EDAR: variants seen among roughly 807,000 people sequenced by gnomAD.
EDAR encodes tumor necrosis factor receptor superfamily member EDAR.
In EDAR, 38 loss-of-function variants were observed where a neutral mutation model predicts 51.3. The ratio of observed to expected loss-of-function variants is 0.74; its 90% confidence interval spans 0.57 to 0.97. The LOEUF (loss-of-function observed/expected upper bound fraction) is 0.97, where lower values mean the gene tolerates loss of function less well. EDAR is among the 50% of genes least tolerant of loss of function. EDAR has a pLI of 0.00. For synonymous variants in EDAR, 227 were observed against 242.1 expected (o/e 0.94, Z 0.58); for missense variants, 528 against 595.0 (o/e 0.89, Z 1.17).
intron 10 of EDAR, among the ~76,000 whole-genome samples, 170 bp from the exon 11 acceptor site, chr2:108,906,538 T>G (rs1409469090): frequency 6.6e-6 from 1 of 152,168 alleles, no homozygotes; most frequent in Non-Finnish European, 1.5e-5. Flanking sequence ...AGGGCCTTCT[T>G]CAGGTTTTCC....
intron 1 of EDAR, among the ~76,000 whole-genome samples, chr2:108,938,316 G>T (rs563179791): frequency 6.6e-6 from 1 of 152,302 alleles, no homozygotes; most frequent in East Asian, 1.9e-4. Flanking sequence ...CATGGTTATT[G>T]CTGCTTGTCA....
intron 4 of EDAR, among the ~76,000 whole-genome samples, chr2:108,925,968 C>A (rs995120040): frequency 6.6e-6 from 1 of 152,156 alleles, no homozygotes; most frequent in African/African-American, 2.4e-5. Context: ...ATGAAACTGT[C>A]CTTCCTCACC....
chr2:108,911,066 G>A lies in EDAR; in HGVS notation c.536C>T (p.Ser179Leu). Residue 179 changes from serine to leucine, a missense_variant, in exon 7 of 12, where the codon TCA becomes TTA. By Grantham distance (145) the Ser-to-Leu change is moderately radical. Transcript: ENST00000258443. ...GGCAGTGGCCAGGTGTCCTTGGCCT[G>A]AGAGTTCTGTGGGTGGAGAGAAGGC... ...SPFQHAHKELSGQGHLATALI... is the reference protein window; with the variant it reads ...SPFQHAHKELLGQGHLATALI... 6.2e-7 allele frequency: 1 copy of A among 1,614,170 alleles called. No homozygotes were observed. Among genetic ancestry groups the A allele is most frequent in the Non-Finnish European group, 8.5e-7 (1 of 1,180,024 alleles).
intron 1 of EDAR, among the ~76,000 whole-genome samples, chr2:108,932,814 C>G (rs1279418622): frequency 2.0e-5 from 3 of 152,176 alleles, no homozygotes; most frequent in Non-Finnish European, 4.4e-5. Flanking sequence ...CAAACCATAG[C>G]AGCATGGAAA....
intron 1 of EDAR, among the ~76,000 whole-genome samples, chr2:108,942,001 G>A (rs958894018): frequency 6.6e-6 from 1 of 152,216 alleles, no homozygotes; most frequent in African/African-American, 2.4e-5. Flanking sequence ...CCTTTCAGGT[G>A]CCCCTTGTGT....
chr2:108,910,618 G>T, intron 8 of EDAR, 86 bp from the exon 9 acceptor site: 2 of 1,421,314 alleles, frequency 1.4e-6, no homozygotes, highest in Non-Finnish European at 2.0e-6. Context: ...CTTCCTGTTG[G>T]GCAGAGCTGC....
chr2:108,944,640 G>C (rs938486111), intron 1 of EDAR, among the ~76,000 whole-genome samples: 6 of 152,126 alleles, frequency 3.9e-5, no homozygotes, highest in African/African-American at 1.4e-4. Context: ...GTGCCAGGGT[G>C]GGGGATAGGG....
At chr2:108,980,035 G>C (rs1285289254) in intron 1 of EDAR, among the ~76,000 whole-genome samples, 1 of 138,476 alleles carries the variant, frequency 7.2e-6, no homozygotes, top group Non-Finnish European at 1.5e-5. Context: ...TGCTGTATCA[G>C]TGACCATGGA....
chr2:108,972,076 C>T (rs770088121), intron 1 of EDAR, among the ~76,000 whole-genome samples: 4 of 152,256 alleles, frequency 2.6e-5, no homozygotes, highest in Non-Finnish European at 5.9e-5. Context: ...CAGCCGACTG[C>T]AGCCTCAGGA....
intron 1 of EDAR, among the ~76,000 whole-genome samples, chr2:108,980,205 C>T (rs1698396747): frequency 6.6e-6 from 1 of 152,120 alleles, no homozygotes. Context: ...GTTCTTTAAC[C>T]CCAGCTCATT....
At chr2:108,911,737 A>G (rs1428233021) in intron 6 of EDAR, among the ~76,000 whole-genome samples, 1 of 152,068 alleles carries the variant, frequency 6.6e-6, no homozygotes, top group Non-Finnish European at 1.5e-5. Context: ...ATTGTCTTGA[A>G]CTAAGATCCA....
intron 1 of EDAR, among the ~76,000 whole-genome samples, chr2:108,931,912 C>A (rs555174014): frequency 6.6e-6 from 1 of 152,244 alleles, no homozygotes; most frequent in South Asian, 2.1e-4. Flanking sequence ...CACAACAAAA[C>A]AGCAAGTACT....
At chr2:108,898,701 T>A (rs1467752117) in intron 11 of EDAR, among the ~76,000 whole-genome samples, 1 of 152,132 alleles carries the variant, frequency 6.6e-6, no homozygotes, top group East Asian at 1.9e-4. Flanking sequence ...TGAACATGCT[T>A]AAATGCAAAA....
chr2:108,941,727 CCTT>C (rs918512569), intron 1 of EDAR, among the ~76,000 whole-genome samples: 6 of 152,200 alleles, frequency 3.9e-5, no homozygotes, highest in African/African-American at 1.4e-4. Context: ...TCAACCCAAG[CCTT>C]CTCTCCTAGG....
Position 108,964,804 on chromosome 2 carries a change from A to C in EDAR, c.-19+24156T>G, listed in dbSNP as rs572609900. ...TTCTACCCAGAGAGCTGAGGTTCCT[A>C]ATCAGAAGACCTTCCAGAGAGCCAC... On this transcript the variant is annotated intron_variant, in intron 1 of 11. Transcript: ENST00000258443. Among the ~76,000 whole-genome samples, 12 of 152,314 alleles carry C rather than the reference A, an allele frequency of 7.9e-5. No homozygotes were observed. In the East Asian group the frequency reaches 2.3e-3, roughly 29 times the overall value.
chr2:108,919,958 C>T (rs1422370943), intron 5 of EDAR, among the ~76,000 whole-genome samples: 1 of 152,220 alleles, frequency 6.6e-6, no homozygotes, highest in African/African-American at 2.4e-5. Flanking sequence ...AAATTCCACA[C>T]ACACAGCCTT....
At chr2:108,919,961 A>T (rs1697105405) in intron 5 of EDAR, among the ~76,000 whole-genome samples, 1 of 152,096 alleles carries the variant, frequency 6.6e-6, no homozygotes, top group South Asian at 2.1e-4. Flanking sequence ...TTCCACACAC[A>T]CAGCCTTCAT....
intron 11 of EDAR, among the ~76,000 whole-genome samples, chr2:108,905,035 G>C (rs1278145696): frequency 6.6e-6 from 1 of 152,138 alleles, no homozygotes; most frequent in Admixed American, 6.5e-5. Flanking sequence ...AAAATAAAAA[G>C]TTTAATTAAA....
intron 1 of EDAR, among the ~76,000 whole-genome samples, chr2:108,957,246 T>C (rs1697943235): frequency 6.6e-6 from 1 of 152,230 alleles, no homozygotes. Flanking sequence ...GGCTCCCAGG[T>C]GGCTGTTCAC....
Sources: gnomAD v4.1 joint callset for allele counts (sites outside exome capture counted in the v4.1 genomes callset) on GRCh38, gnomAD v4.1.1 for gene constraint, MANE v1.5 for transcripts, NCBI Gene and HGNC (gene_info 2026-07-23, HGNC 2026-07-21) for gene names.